AK8: variants seen among roughly 807,000 people sequenced by gnomAD.
The protein encoded by AK8 is adenylate kinase 8.
Under a neutral mutation model 54.6 loss-of-function variants are expected in AK8, and 44 were observed. That is an observed-to-expected ratio of 0.81 (90% CI 0.63 to 1.04). The LOEUF (loss-of-function observed/expected upper bound fraction) is 1.04, where lower values mean the gene tolerates loss of function less well. Among genes scored for constraint, AK8 ranks in the 50% least tolerant of loss-of-function variants. AK8 has a pLI of 0.00. For missense variants in AK8, 555 were observed against 613.6 expected, an observed-to-expected ratio of 0.90 and a Z score of 1.01; for synonymous variants, 239 against 245.6, an observed-to-expected ratio of 0.97 and a Z score of 0.25.
At chr9:132,878,847 A>G, upstream of AK8, 1 of 898,210 alleles carries the variant, frequency 1.1e-6, no homozygotes, top group African/African-American at 1.8e-5. This position sits in a 1 kb window ranked among gnomAD's most constrained non-coding sequence, Gnocchi z 4.7. Context: ...CACCGGCGGT[A>G]ACAATCACGC....
At chr9:132,794,829 C>T (rs1468361779) in intron 10 of AK8, among the ~76,000 whole-genome samples, 2 of 152,298 alleles carry the variant, frequency 1.3e-5, no homozygotes, top group East Asian at 3.9e-4. Flanking sequence ...CTCAGCTCCT[C>T]CCTTTCTTGC....
At chr9:132,801,099 T>G (rs1840435374) in intron 10 of AK8, among the ~76,000 whole-genome samples, 2 of 152,136 alleles carry the variant, frequency 1.3e-5, no homozygotes, top group South Asian at 4.2e-4. Flanking sequence ...TAATTTTTTT[T>G]GTATTTTTAG....
intron 11 of AK8, among the ~76,000 whole-genome samples, chr9:132,789,736 G>A (rs1241239758): frequency 2.6e-5 from 4 of 151,912 alleles, no homozygotes; most frequent in Admixed American, 2.6e-4. Flanking sequence ...CAGAGCTGTA[G>A]TTCTCACCTG....
rs1270925936 is a variant in AK8, at chr9:132,739,728, TA to T, written c.1122-12195del. 3.3e-5 allele frequency among the ~76,000 whole-genome samples: 5 copies of T among 152,054 alleles called. No individual in the cohort carries two copies. The East Asian group carries it at 9.6e-4, about 29-fold the overall frequency. On this transcript the variant is annotated intron_variant, in intron 11 of 12. Coordinates refer to ENST00000298545, the MANE Select transcript of AK8 (RefSeq NM_152572.3). ...GAGCAACACAGTGAGACCCTCTCAC[TA>T]AAAACAATTAAAATAAAATAAAAAG...
intron 11 of AK8, among the ~76,000 whole-genome samples, chr9:132,755,215 A>G (rs1308575719): frequency 6.6e-6 from 1 of 152,108 alleles, no homozygotes; most frequent in Non-Finnish European, 1.5e-5. Context: ...GCAGGTTTTC[A>G]TATTTTCCAT....
intron 5 of AK8, among the ~76,000 whole-genome samples, chr9:132,846,269 T>G (rs1466163036): frequency 6.6e-6 from 1 of 152,172 alleles, no homozygotes; most frequent in Non-Finnish European, 1.5e-5. Flanking sequence ...AATGGATGTG[T>G]GGGGTGGATG....
chr9:132,812,880 G>A (rs913706), intron 10 of AK8, among the ~76,000 whole-genome samples: 1,730 of 106,824 alleles, frequency 0.016, 16 homozygotes, highest in African/African-American at 0.023. Context: ...ACTGCCCTGA[G>A]CCTACACAGA....
At chr9:132,819,461 T>A (rs766885916) in intron 9 of AK8, among the ~76,000 whole-genome samples, 10 of 152,172 alleles carry the variant, frequency 6.6e-5, no homozygotes, top group African/African-American at 9.7e-5. Flanking sequence ...ACAAATTACA[T>A]GAAGCAAAAA....
intron 11 of AK8, among the ~76,000 whole-genome samples, chr9:132,739,967 C>T (rs1341894558): frequency 6.6e-6 from 1 of 152,234 alleles, no homozygotes; most frequent in African/African-American, 2.4e-5. Flanking sequence ...CAGTGGCATG[C>T]TGGTAAACCA....
At chr9:132,760,017 G>T (rs985261585) in intron 11 of AK8, among the ~76,000 whole-genome samples, 4 of 152,076 alleles carry the variant, frequency 2.6e-5, no homozygotes, top group African/African-American at 9.7e-5. Flanking sequence ...TTTGGGAAGG[G>T]GTGACATCTT....
At chr9:132,795,895 C>T (rs1175109214) in intron 10 of AK8, among the ~76,000 whole-genome samples, 1 of 152,206 alleles carries the variant, frequency 6.6e-6, no homozygotes, top group African/African-American at 2.4e-5. Flanking sequence ...CGCTAATAAT[C>T]CAGGCCCACT....
chr9:132,753,104 G>A (rs1212456411), intron 11 of AK8, among the ~76,000 whole-genome samples: 4 of 152,198 alleles, frequency 2.6e-5, no homozygotes, highest in African/African-American at 4.8e-5. Context: ...ACTGGGCTCC[G>A]AGCTGATCAT....
chr9:132,837,551 CA>C lies in AK8; in HGVS notation c.403-8826del, dbSNP rs2131334447. Among the ~76,000 whole-genome samples the C allele has an allele frequency of 6.6e-6, 1 of 152,228 alleles. No homozygotes were observed. The highest frequency in any genetic ancestry group is 1.5e-5 in the Non-Finnish European group (1 of 68,016). On this transcript the variant is annotated intron_variant, in intron 5 of 12. Transcript: ENST00000298545. The surrounding 1 kb of genome is among the most constrained non-coding windows in gnomAD (Gnocchi z 4.3). The stretch of plus-strand genomic sequence containing the variant: ...GCTCCAAGGTCTGCTTGCGTCTGCT[CA>C]AACCTCAGGCCCTGTCCTGCATTTG...
intron 10 of AK8, among the ~76,000 whole-genome samples, chr9:132,806,650 G>C (rs1179941133): frequency 6.6e-6 from 1 of 152,212 alleles, no homozygotes; most frequent in African/African-American, 2.4e-5. Context: ...TTTAACAAAA[G>C]AGAAAAACTG....
chr9:132,854,534 C>G (rs955229224), intron 5 of AK8, among the ~76,000 whole-genome samples: 5 of 152,212 alleles, frequency 3.3e-5, no homozygotes, highest in African/African-American at 1.2e-4. Context: ...GATGCCAGTC[C>G]CTGGCGCCTC....
chr9:132,863,515 C>A, intron 4 of AK8, 150 bp downstream of exon 4: 1 of 622,178 alleles, frequency 1.6e-6, no homozygotes, highest in South Asian at 2.0e-5. Context: ...CCTTCCTTCA[C>A]ACCCTGCCTG....
At chr9:132,789,605 A>G in intron 11 of AK8, among the ~76,000 whole-genome samples, 1 of 143,288 alleles carries the variant, frequency 7.0e-6, no homozygotes, top group Non-Finnish European at 1.5e-5. Flanking sequence ...CACAAAAAAA[A>G]AAAAAAAAAA....
At position 132,745,867 on chromosome 9, in the gene AK8, G is replaced by T. The variant is rs1323658031; in HGVS notation, c.1122-18333C>A. On this transcript the variant is annotated intron_variant, in intron 11 of 12. Coordinates refer to ENST00000298545, the MANE Select transcript of AK8 (RefSeq NM_152572.3). The stretch of plus-strand genomic sequence containing the variant: ...GCGGTCTAAACTTGGACCCAAACTT[G>T]AAGCTGTCATCAGCTCCTTGAAGTA... Among the ~76,000 whole-genome samples, 3 of 152,298 alleles carry T rather than the reference G, an allele frequency of 2.0e-5. No individual in the cohort carries two copies. In the East Asian group the frequency reaches 5.8e-4, roughly 29 times the overall value.
At chr9:132,777,366 G>A (rs1839267185) in intron 11 of AK8, among the ~76,000 whole-genome samples, 1 of 152,076 alleles carries the variant, frequency 6.6e-6, no homozygotes, top group South Asian at 2.1e-4. Flanking sequence ...CTGATTTTTA[G>A]TCAAGGAAAC....
Sources: allele counts gnomAD v4.1 joint callset (sites outside exome capture counted in the v4.1 genomes callset), GRCh38; gene constraint gnomAD v4.1.1; non-coding constraint Gnocchi (gnomAD v3.1); transcripts MANE v1.5; gene names NCBI Gene and HGNC (gene_info 2026-07-23, HGNC 2026-07-21).